The following PACS2 variants were observed in gnomAD, a reference collection of about 807,000 sequenced individuals.
The protein encoded by PACS2 is PACS1-like protein.
In PACS2, 36 loss-of-function variants were observed where a neutral mutation model predicts 113.0. The observed-to-expected ratio is 0.32, with a 90% confidence interval of 0.24 to 0.42. The LOEUF (loss-of-function observed/expected upper bound fraction) is 0.42, where lower values mean the gene tolerates loss of function less well. Among genes scored for constraint, PACS2 ranks in the 10% least tolerant of loss-of-function variants. The pLI, the probability that PACS2 is intolerant of heterozygous loss-of-function variation, is 1.00. For synonymous variants in PACS2, 589 were observed against 536.1 expected (o/e 1.10, Z -1.36); for missense variants, 1,015 against 1,239.5 (o/e 0.82, Z 2.72).
chr14:105,385,857 G>A, intron 19 of PACS2, 140 bp downstream of exon 19: 1 of 511,562 alleles, frequency 2.0e-6, no homozygotes, highest in Non-Finnish European at 3.3e-6. Context: ...CCAGCTGCAG[G>A]CTGAGAGCCC....
At chr14:105,308,057 G>A (rs1242045371) in intron 1 of PACS2, among the ~76,000 whole-genome samples, 16 of 152,048 alleles carry the variant, frequency 1.1e-4, no homozygotes, top group Non-Finnish European at 1.5e-5. Flanking sequence ...GGTGGTGCGT[G>A]CCTCTAGTTC....
Position 105,376,622 on chromosome 14 carries a change from G to A in PACS2, c.802-146G>A, listed in dbSNP as rs1205468971. 1.5e-6 allele frequency: 1 copy of A among 671,952 alleles called. No homozygotes were observed. Among genetic ancestry groups the A allele is most frequent in the African/African-American group, 1.9e-5 (1 of 54,006 alleles). The allele number at this position is 671,952 out of a possible 1,614,324, so 41.6% of individuals were successfully genotyped here. A position where few individuals can be genotyped will look rare whatever the true frequency, so the allele number is the denominator to read the frequency against. On this transcript the variant is annotated intron_variant, in intron 8 of 24. Coordinates refer to ENST00000447393, the MANE Select transcript of PACS2 (RefSeq NM_001100913.3). This position sits in a 1 kb window ranked among gnomAD's most constrained non-coding sequence, Gnocchi z 4.7. The stretch of plus-strand genomic sequence containing the variant: ...GATCATCCCGAGCTCCAAGACAGAA[G>A]CTGGACTACAGCCGTGCTGAGTGGA...
chr14:105,351,636 G>C (rs1226183257), intron 2 of PACS2, among the ~76,000 whole-genome samples: 1 of 152,152 alleles, frequency 6.6e-6, no homozygotes, highest in Non-Finnish European at 1.5e-5. Context: ...TCAGGAGTTG[G>C]AGACCAGTCT....
At chr14:105,305,134 C>T (rs956929606) in intron 1 of PACS2, among the ~76,000 whole-genome samples, 6 of 152,172 alleles carry the variant, frequency 3.9e-5, no homozygotes, top group African/African-American at 1.4e-4. Context: ...GGCACAGTGG[C>T]TCACATCTGT....
At chr14:105,322,666 GTTTATA>G (rs1268330622) in intron 1 of PACS2, among the ~76,000 whole-genome samples, 2 of 152,086 alleles carry the variant, frequency 1.3e-5, no homozygotes, top group Admixed American at 6.5e-5. Flanking sequence ...ACCCTTTCAT[GTTTATA>G]TTTATATGAT....
At chr14:105,382,785 G>A in intron 14 of PACS2, 22 bp from the exon 15 acceptor site, 1 of 1,495,786 alleles carries the variant, frequency 6.7e-7, no homozygotes, top group African/African-American at 1.4e-5. Flanking sequence ...GCCGAAGTCA[G>A]CGTCTGCCTG....
chr14:105,321,283 C>G (rs2058875075), intron 1 of PACS2, among the ~76,000 whole-genome samples: 1 of 152,028 alleles, frequency 6.6e-6, no homozygotes. Context: ...CTTTTTTTGT[C>G]TACTAGAAAT....
chr14:105,331,713 G>C (rs1363551687), intron 1 of PACS2, among the ~76,000 whole-genome samples: 1 of 152,240 alleles, frequency 6.6e-6, no homozygotes, highest in Non-Finnish European at 1.5e-5. Flanking sequence ...AAAGGAAGGA[G>C]AGCTGAAATG....
chr14:105,384,385 G>T lies in PACS2; in HGVS notation c.1813G>T (p.Val605Leu). Residue 605 changes from valine (V) to leucine (L), a missense_variant, in exon 17 of 25, where the codon GTG becomes TTG. Physicochemically the swap from Val to Leu is conservative, Grantham distance 32. This residue lies in a region of PACS2 where 859 missense variants were observed against 1,056.8 expected (regional missense o/e 0.81). Coordinates refer to ENST00000447393, the MANE Select transcript of PACS2 (RefSeq NM_001100913.3). ...CCCCGTGGCCAGGTACCTAGGCTCC[G>T]TGGACTACCGCTACAACAACTTCTT... is the stretch of plus-strand genomic sequence containing the variant. ...SHPVARYLGS[V>L]DYRYNNFFQD... is the part of the protein sequence containing the mutation. 1 of 1,612,050 alleles carries T rather than the reference G, an allele frequency of 6.2e-7. No homozygotes were observed. Among genetic ancestry groups the T allele is most frequent in the Non-Finnish European group, 8.5e-7 (1 of 1,179,610 alleles).
chr14:105,308,178 G>T (rs931180667), intron 1 of PACS2, among the ~76,000 whole-genome samples: 1 of 149,270 alleles, frequency 6.7e-6, no homozygotes, highest in African/African-American at 2.5e-5. Flanking sequence ...GTGAGACTCT[G>T]TCCCCCCCAA....
At chr14:105,333,095 T>A (rs1276821617) in intron 1 of PACS2, among the ~76,000 whole-genome samples, 3 of 151,680 alleles carry the variant, frequency 2.0e-5, no homozygotes, top group African/African-American at 7.3e-5. Flanking sequence ...GGCGTGGGTG[T>A]GAGAGAGAGA....
chr14:105,315,110 C>T lies in PACS2; in HGVS notation c.119+73C>T. On this transcript the variant is annotated intron_variant, in intron 1 of 24. Coordinates refer to ENST00000447393, the MANE Select transcript of PACS2 (RefSeq NM_001100913.3). This position sits in a 1 kb window ranked among gnomAD's most constrained non-coding sequence, Gnocchi z 4.4. ...GTGTCCTGGCCGCGGCCTCTGCGCG[C>T]CCCATCCCCGGCCCGGGTCCCCCAG... 1 of 942,878 alleles carries T rather than the reference C, an allele frequency of 1.1e-6. No homozygotes were observed. The highest frequency in any genetic ancestry group is 1.3e-6 in the Non-Finnish European group (1 of 777,744). The allele number at this position is 942,878 out of a possible 1,614,324, so 58.4% of individuals were successfully genotyped here. A position where few individuals can be genotyped will look rare whatever the true frequency, so the allele number is the denominator to read the frequency against.
In PACS2 at chr14:105,324,683, C is replaced by G. The variant is rs962724194; in HGVS notation, c.119+9646C>G. On this transcript the variant is annotated intron_variant, in intron 1 of 24. Transcript: ENST00000447393. The surrounding 1 kb of genome is among the most constrained non-coding windows in gnomAD (Gnocchi z 4.7). ...ATGGTGCTGGGGTCGTCAGCAGCTCCTCGAGGGCTCCGGCCTGTGGAGGCC... is the reference window on the plus strand; with the variant it reads ...ATGGTGCTGGGGTCGTCAGCAGCTCGTCGAGGGCTCCGGCCTGTGGAGGCC... Among the ~76,000 whole-genome samples, 3 of 152,206 alleles carry G rather than the reference C, an allele frequency of 2.0e-5. No homozygotes were observed. The highest frequency in any genetic ancestry group is 7.2e-5 in the African/African-American group (3 of 41,456).
rs1441480596 is a variant in PACS2 at position 105,366,174 on chromosome 14, A to T, written c.424-1039A>T. ...AGACCATCCTGGCCAACATGGTGAA[A>T]CTGTTTCTACTAAAAATACAAAACT... On this transcript the variant is annotated intron_variant, in intron 4 of 24. Transcript: ENST00000447393. The surrounding 1 kb of genome is among the most constrained non-coding windows in gnomAD (Gnocchi z 4.3). Among the ~76,000 whole-genome samples the T allele has an allele frequency of 1.3e-5, 2 of 151,758 alleles. No individual in the cohort carries two copies. The highest frequency in any genetic ancestry group is 3.9e-4 in the East Asian group (2 of 5,182).
rs1021881605 is a variant in PACS2 at position 105,330,490 on chromosome 14, C to T, written c.119+15453C>T. ...TTACTGTGCCGCAGAGTTTTCTTTCCGAGCACTCAATGCTCACCTCCTGGG... is the reference window on the plus strand; with the variant it reads ...TTACTGTGCCGCAGAGTTTTCTTTCTGAGCACTCAATGCTCACCTCCTGGG... On this transcript the variant is annotated intron_variant, in intron 1 of 24. Transcript: ENST00000447393. This position sits in a 1 kb window ranked among gnomAD's most constrained non-coding sequence, Gnocchi z 6.9. Among the ~76,000 whole-genome samples the T allele has an allele frequency of 7.2e-5, 11 of 152,174 alleles. No individual in the cohort carries two copies. The highest frequency in any genetic ancestry group is 3.9e-4 in the Admixed American group (6 of 15,284).
At chr14:105,389,261 T>C in intron 19 of PACS2, 1 of 152,628 alleles carries the variant, frequency 6.6e-6, no homozygotes, top group Non-Finnish European at 1.5e-5. Context: ...TGCTGTTACC[T>C]GCCAGATGTT....
rs1409906379 is a variant in PACS2, at chr14:105,308,454, C to T, written c.-83+7475C>T. On this transcript the variant is annotated intron_variant, in intron 1 of 23. Transcript: ENST00000430725. ...CTGAGATGGCACCATTGTACTCCAG[C>T]CTGGGCACGACAGAGGCAGATTCTG... 2.2e-4 allele frequency among the ~76,000 whole-genome samples: 33 copies of T among 150,796 alleles called. 1 individual carries two copies. Among genetic ancestry groups the T allele is most frequent in the Admixed American group, 1.5e-3 (23 of 15,176 alleles).
rs1381174273 is a variant in PACS2 at position 105,348,566 on chromosome 14, G to A, written c.193G>A (p.Ala65Thr). 9.3e-6 allele frequency: 15 copies of A among 1,610,072 alleles called. No individual in the cohort carries two copies. The highest frequency in any genetic ancestry group is 1.7e-5 in the Admixed American group (1 of 59,986). The change falls in exon 2 of 25, where the codon GCT (alanine) becomes ACT (threonine). Residue 65 changes from alanine (A) to threonine (T), a missense_variant. By Grantham distance (58) the Ala-to-Thr change is moderately conservative. This residue lies in a region of PACS2 where 140 missense variants were observed against 135.1 expected (regional missense o/e 1.04). Transcript: ENST00000447393. The surrounding 1 kb of genome is among the most constrained non-coding windows in gnomAD (Gnocchi z 6.4). Reference protein sequence around the residue: ...LEKELISVVIAVKMQGSKRIL... With the variant: ...LEKELISVVITVKMQGSKRIL... ...GAAGGAGCTGATCTCCGTGGTGATC[G>A]CTGTCAAGATGCAGGTGAGGCCGCT...
At chr14:105,347,164 G>A (rs992203362) in intron 1 of PACS2, among the ~76,000 whole-genome samples, 1 of 149,474 alleles carries the variant, frequency 6.7e-6, no homozygotes, top group Non-Finnish European at 1.5e-5. Context: ...TGTAGACAGT[G>A]TAGTAGATCA....
Sources: allele counts gnomAD v4.1 joint callset (sites outside exome capture counted in the v4.1 genomes callset), GRCh38; gene constraint gnomAD v4.1.1; regional missense constraint gnomAD v4.1.1; non-coding constraint Gnocchi (gnomAD v3.1); transcripts MANE v1.5; gene names NCBI Gene and HGNC (gene_info 2026-07-23, HGNC 2026-07-21).